GLMN: variants seen among roughly 807,000 people sequenced by gnomAD.
GLMN encodes glomulin, FKBP associated protein, also known as glomulin.
Under a neutral mutation model 87.8 loss-of-function variants are expected in GLMN, and 75 were observed. That is an observed-to-expected ratio of 0.85 (90% CI 0.71 to 1.04). GLMN has a LOEUF of 1.04. GLMN is among the 50% of genes least tolerant of loss of function. The pLI is 0.00. For synonymous variants in GLMN, 206 were observed against 221.6 expected (o/e 0.93, Z 0.63); for missense variants, 588 against 658.8 (o/e 0.89, Z 1.18).
intron 7 of GLMN, among the ~76,000 whole-genome samples, chr1:92,283,866 C>G (rs1377229107): frequency 6.6e-6 from 1 of 152,128 alleles, no homozygotes; most frequent in African/African-American, 2.4e-5. Context: ...AATTCCCATT[C>G]ACAATTACTA....
chr1:92,303,807 C>T (rs1651025846), upstream of GLMN, among the ~76,000 whole-genome samples: 1 of 152,030 alleles, frequency 6.6e-6, no homozygotes, highest in South Asian at 2.1e-4. Context: ...ATGTTGAGCA[C>T]TTCTCTAAGT....
At chr1:92,351,210 G>A in the GLMN span, among the ~76,000 whole-genome samples, 7,161 of 150,020 alleles carry the variant, frequency 0.048, 585 homozygotes, top group African/African-American at 0.16. Context: ...GGGAGGCTGA[G>A]GCAGGAAAAC....
At chr1:92,248,299 A>G in intron 16 of GLMN, 1 of 256,044 alleles carries the variant, frequency 3.9e-6, no homozygotes, top group South Asian at 4.7e-5. Context: ...TTCCTCTATG[A>G]GCCATCTCCA....
chr1:92,299,073 C>A (rs777868633), upstream of GLMN: 5 of 1,504,574 alleles, frequency 3.3e-6, no homozygotes, highest in Admixed American at 2.1e-5. Context: ...TACTCTCCCC[C>A]ATGGCGGACT....
upstream of GLMN, among the ~76,000 whole-genome samples, chr1:92,302,927 G>A (rs892798014): frequency 4.0e-5 from 6 of 150,310 alleles, no homozygotes; most frequent in Non-Finnish European, 7.4e-5. Flanking sequence ...GGCCAGGCAC[G>A]ATGGCTCATA....
At chr1:92,318,225 A>G in the GLMN span, among the ~76,000 whole-genome samples, 1 of 152,076 alleles carries the variant, frequency 6.6e-6, no homozygotes, top group African/African-American at 2.4e-5. Flanking sequence ...CTTGCTGAAC[A>G]TTTTGGGGAA....
the GLMN span, among the ~76,000 whole-genome samples, chr1:92,367,083 A>C: frequency 6.6e-6 from 1 of 152,202 alleles, no homozygotes; most frequent in Non-Finnish European, 1.5e-5. Context: ...TTTGTGATAA[A>C]GGTCTCCACT....
At chr1:92,361,512 A>T in the GLMN span, among the ~76,000 whole-genome samples, 1 of 152,176 alleles carries the variant, frequency 6.6e-6, no homozygotes, top group Non-Finnish European at 1.5e-5. Flanking sequence ...AAACAAAAAT[A>T]GTTGCTTACT....
upstream of GLMN, among the ~76,000 whole-genome samples, chr1:92,302,424 C>T (rs890233047): frequency 1.3e-5 from 2 of 149,850 alleles, no homozygotes; most frequent in African/African-American, 2.4e-5. Flanking sequence ...TCAATTTGTT[C>T]TAATGATTGC....
At chr1:92,325,464 A>G in the GLMN span, among the ~76,000 whole-genome samples, 1 of 152,290 alleles carries the variant, frequency 6.6e-6, no homozygotes, top group South Asian at 2.1e-4. Context: ...TGAGCTGCAT[A>G]AACCTACCAT....
the GLMN span, among the ~76,000 whole-genome samples, chr1:92,351,305 C>CAAAAAAAAAAAAAAAA: frequency 5.8e-4 from 50 of 86,832 alleles, no homozygotes; most frequent in African/African-American, 1.8e-3. Flanking sequence ...GACTCTGTCT[C>CAAAAAAAAAAAAAAAA]AAAAAAAAAA....
chr1:92,300,985 G>A (rs940122544), upstream of GLMN, among the ~76,000 whole-genome samples: 3 of 152,182 alleles, frequency 2.0e-5, no homozygotes, highest in Admixed American at 6.5e-5. Flanking sequence ...GTGATGTTAC[G>A]AGAAGGAATA....
At chr1:92,323,815 A>G in the GLMN span, 12 of 1,614,014 alleles carry the variant, frequency 7.4e-6, no homozygotes, top group South Asian at 1.3e-4. Flanking sequence ...AAATACTCAG[A>G]GTTCTTCAAA....
the GLMN span, among the ~76,000 whole-genome samples, chr1:92,355,896 G>C: frequency 1.3e-5 from 2 of 152,064 alleles, no homozygotes; most frequent in Admixed American, 1.3e-4. Context: ...TTTTAGATAA[G>C]GGATACTCAA....
intron 16 of GLMN, 64 bp from the exon 17 acceptor site, chr1:92,248,053 G>C: frequency 1.3e-6 from 1 of 774,246 alleles, no homozygotes; most frequent in Non-Finnish European, 2.3e-6. Flanking sequence ...TATTAAACGC[G>C]ATAAAAGCTC....
the GLMN span, among the ~76,000 whole-genome samples, chr1:92,321,198 ATATT>A: frequency 6.6e-6 from 1 of 152,226 alleles, no homozygotes; most frequent in African/African-American, 2.4e-5. Context: ...CAAATAAGAG[ATATT>A]TATTTATTGA....
intron 3 of GLMN, among the ~76,000 whole-genome samples, chr1:92,294,681 T>G (rs1649815624): frequency 6.6e-6 from 1 of 152,022 alleles, no homozygotes; most frequent in African/African-American, 2.4e-5. Flanking sequence ...TAGTCAGTTT[T>G]TTGTTGTTGT....
At chr1:92,354,092 G>A in the GLMN span, among the ~76,000 whole-genome samples, 1 of 152,130 alleles carries the variant, frequency 6.6e-6, no homozygotes, top group Non-Finnish European at 1.5e-5. Flanking sequence ...CAGTGGTGGT[G>A]ATGACAGCAG....
rs567424928 is a variant in GLMN at position 92,246,969 on chromosome 1, G to C, written c.1668+93C>G. 5 of 782,322 alleles carry C rather than the reference G, an allele frequency of 6.4e-6. No individual in the cohort carries two copies. In the Admixed American group the frequency reaches 8.6e-5, roughly 13 times the overall value. The allele number at this position is 782,322 out of a possible 1,614,324, so 48.5% of individuals were successfully genotyped here. On this transcript the variant is annotated intron_variant, in intron 18 of 18. Coordinates refer to ENST00000370360, the MANE Select transcript of GLMN (RefSeq NM_053274.3). ...GCCCAGGGAGTTGAAGCTGCAGTGA[G>C]CCACAATCATGCCACTGCACTCCAG...
Sources: allele counts gnomAD v4.1 joint callset (sites outside exome capture counted in the v4.1 genomes callset), GRCh38; gene constraint gnomAD v4.1.1; transcripts MANE v1.5; gene names NCBI Gene and HGNC (gene_info 2026-07-23, HGNC 2026-07-21).